CD109: variants seen among roughly 807,000 people sequenced by gnomAD.
CD109 encodes the protein CD109 antigen.
A neutral mutation model predicts 165.8 loss-of-function variants in CD109; 149 were observed. The observed-to-expected ratio is 0.90, with a 90% CI of 0.79 to 1.03. The LOEUF (loss-of-function observed/expected upper bound fraction) is 1.03, where lower values mean the gene tolerates loss of function less well. CD109 is among the 50% of genes least tolerant of loss of function. The pLI is 0.00. For missense variants in CD109, 1,712 were observed against 1,677.8 expected (o/e 1.02, Z -0.36); for synonymous variants, 585 against 592.1 (o/e 0.99, Z 0.18).
Position 73,827,754 on chromosome 6 carries a change from A to G in CD109, c.*4121A>G, listed in dbSNP as rs184534193. 7.9e-5 allele frequency: 12 copies of G among 152,332 alleles called. No homozygotes were observed. Among genetic ancestry groups the G allele is most frequent in the African/African-American group, 2.9e-4 (12 of 41,580 alleles). 9.4% of individuals were successfully genotyped at this position (152,332 alleles called of 1,614,324 possible). A position where few individuals can be genotyped will look rare whatever the true frequency, so the allele number is the denominator to read the frequency against. On this transcript the variant is annotated 3_prime_UTR_variant, in exon 33 of 33. Transcript: ENST00000287097. Reference sequence around the variant, plus strand: ...TTCATTTCAGTTGTAACATAGGAAAATAGATATTTCCTAGATGATTTCTGA... The same window carrying G: ...TTCATTTCAGTTGTAACATAGGAAAGTAGATATTTCCTAGATGATTTCTGA...
chr6:73,707,126 G>T (rs1771303157), intron 2 of CD109, among the ~76,000 whole-genome samples: 1 of 152,200 alleles, frequency 6.6e-6, no homozygotes, highest in South Asian at 2.1e-4. Context: ...TTGTTCGGGT[G>T]CCGTGTTGAC....
rs1362599340 is a variant in CD109, at chr6:73,826,623, T to C, written c.*2990T>C. 6.6e-6 allele frequency: 1 copy of C among 152,232 alleles called. No individual in the cohort carries two copies. The highest frequency in any genetic ancestry group is 1.5e-5 in the Non-Finnish European group (1 of 68,044). 9.4% of individuals were successfully genotyped at this position (152,232 alleles called of 1,614,324 possible). ...TGAAATGCTTCCTTTTATTGTGTTG[T>C]GCTATTGTACTTTGTTTTTCAAAAC... On this transcript the variant is annotated 3_prime_UTR_variant, in exon 33 of 33. Transcript: ENST00000287097.
rs1774588364 is a variant in CD109 at position 73,783,746 on chromosome 6, T to C, written c.2145T>C (p.Asp715=). 1.2e-6 allele frequency: 2 copies of C among 1,613,138 alleles called. No homozygotes were observed. Among genetic ancestry groups the C allele is most frequent in the Non-Finnish European group, 1.7e-6 (2 of 1,179,274 alleles). Reference sequence around the variant, plus strand: ...AAGAATTTGAAGTAACTGTACCTGATTCTATCACTTCTTGGGTGGCTACTG... The same window carrying C: ...AAGAATTTGAAGTAACTGTACCTGACTCTATCACTTCTTGGGTGGCTACTG... ...IYQEFEVTVP[D]SITSWVATGF... is the part of the protein sequence containing the mutation. Residue 715 remains aspartate, a synonymous_variant, in exon 19 of 33, where the codon GAT becomes GAC. Transcript: ENST00000287097.
At chr6:73,758,098 C>T (rs1217034807) in intron 6 of CD109, among the ~76,000 whole-genome samples, 2 of 151,894 alleles carry the variant, frequency 1.3e-5, no homozygotes, top group African/African-American at 2.4e-5. Flanking sequence ...TTTGGTCTCC[C>T]TGTCCTAGAC....
intron 3 of CD109, 120 bp from the exon 4 acceptor site, chr6:73,730,224 T>C (rs1167325206): frequency 1.5e-6 from 1 of 668,288 alleles, no homozygotes; most frequent in Non-Finnish European, 2.6e-6. Flanking sequence ...GGGCAAATTT[T>C]CAACATCGCA....
At chr6:73,763,428 G>A in intron 9 of CD109, 148 bp from the exon 10 acceptor site, 1 of 518,174 alleles carries the variant, frequency 1.9e-6, no homozygotes, top group Non-Finnish European at 3.4e-6. Context: ...TGTGGTGCTT[G>A]TAGTGTCAAA....
intron 6 of CD109, among the ~76,000 whole-genome samples, chr6:73,758,721 T>A (rs1773497167): frequency 6.6e-6 from 1 of 152,190 alleles, no homozygotes; most frequent in African/African-American, 2.4e-5. Flanking sequence ...AATTAGGGAT[T>A]TCTAGTTTTG....
chr6:73,791,202 T>TATATACACATAC (rs1554182588), intron 22 of CD109, among the ~76,000 whole-genome samples: 3 of 123,574 alleles, frequency 2.4e-5, no homozygotes, highest in East Asian at 4.7e-4. Flanking sequence ...CATATATATA[T>TATATACACATAC]ATATATATAT....
At chr6:73,710,353 G>C (rs921496215) in intron 2 of CD109, among the ~76,000 whole-genome samples, 2 of 152,118 alleles carry the variant, frequency 1.3e-5, no homozygotes, top group Non-Finnish European at 2.9e-5. Context: ...TTGCTTCAAA[G>C]AGAATAAAAT....
At chr6:73,754,389 A>T (rs1282450783) in intron 5 of CD109, among the ~76,000 whole-genome samples, 3 of 152,224 alleles carry the variant, frequency 2.0e-5, no homozygotes, top group African/African-American at 7.2e-5. Flanking sequence ...GAATACCAAG[A>T]GAACAAAAGA....
At chr6:73,767,934 G>T in intron 13 of CD109, 121 bp from the exon 14 acceptor site, 1 of 809,886 alleles carries the variant, frequency 1.2e-6, no homozygotes, top group Non-Finnish European at 2.0e-6. Flanking sequence ...CATTCCAAAA[G>T]ACTTTGAAGC....
chr6:73,787,432 A>T lies in CD109; in HGVS notation c.2536A>T (p.Thr846Ser). The T allele has an allele frequency of 6.2e-7, 1 of 1,611,386 alleles. No homozygotes were observed. The highest frequency in any genetic ancestry group is 8.5e-7 in the Non-Finnish European group (1 of 1,178,060). The change falls in exon 21 of 33, where the codon ACC becomes TCC. Residue 846 changes from threonine to serine, a missense_variant. Thr to Ser is a moderately conservative substitution (Grantham distance 58). Coordinates refer to ENST00000287097, the MANE Select transcript of CD109 (RefSeq NM_133493.5). ...TTCACCCACTGCTTCTGATGCTGTC[A>T]CCCAGATGATTTTAGTAAAGGTAAA... Reference protein sequence around the residue: ...ALSPTASDAVTQMILVKAEGI... With the variant: ...ALSPTASDAVSQMILVKAEGI...
chr6:73,727,371 G>A (rs1772180141), intron 3 of CD109, among the ~76,000 whole-genome samples: 1 of 151,930 alleles, frequency 6.6e-6, no homozygotes, highest in Admixed American at 6.6e-5. Context: ...GTCATCTCTG[G>A]GTGGCTTGCC....
At chr6:73,755,747 C>T (rs140629941) in intron 5 of CD109, among the ~76,000 whole-genome samples, 61 of 151,624 alleles carry the variant, frequency 4.0e-4, no homozygotes, top group African/African-American at 1.4e-3. Flanking sequence ...ATTGCTTGAG[C>T]TCAGGAGTTT....
intron 23 of CD109, among the ~76,000 whole-genome samples, chr6:73,798,620 G>A (rs759027168): frequency 1.3e-5 from 2 of 152,078 alleles, no homozygotes; most frequent in African/African-American, 4.8e-5. Flanking sequence ...TTGGATTCTC[G>A]GTGTTATCTA....
At chr6:73,823,378 C>A in intron 32 of CD109, 80 bp from the exon 33 acceptor site, 1 of 1,053,928 alleles carries the variant, frequency 9.5e-7, no homozygotes, top group Non-Finnish European at 1.4e-6. Context: ...AAAAGTGTAT[C>A]GAAATGCTCT....
chr6:73,724,107 A>G (rs1289870953), intron 3 of CD109, among the ~76,000 whole-genome samples: 1 of 152,154 alleles, frequency 6.6e-6, no homozygotes, highest in Non-Finnish European at 1.5e-5. Flanking sequence ...AATTTTTTGC[A>G]TTAATTTTGA....
rs528075397 is a variant in CD109, at chr6:73,728,905, GTCTT to G, written c.277-1437_277-1434del. Reference sequence around the variant, plus strand: ...AATTAAACTTTTATTACTTCTCACAGTCTTTGTGGGTGAAGAATTGGGAACAATA... The same window carrying G: ...AATTAAACTTTTATTACTTCTCACAGTGTGGGTGAAGAATTGGGAACAATA... On this transcript the variant is annotated intron_variant, in intron 3 of 32. Coordinates refer to ENST00000287097, the MANE Select transcript of CD109 (RefSeq NM_133493.5). Among the ~76,000 whole-genome samples, 16 of 152,308 alleles carry G rather than the reference GTCTT, an allele frequency of 1.1e-4. No individual in the cohort carries two copies. In the East Asian group the frequency reaches 2.7e-3, roughly 26 times the overall value.
chr6:73,784,824 A>G (rs1000433178), intron 19 of CD109, among the ~76,000 whole-genome samples: 18 of 152,298 alleles, frequency 1.2e-4, no homozygotes, highest in African/African-American at 4.1e-4. Context: ...ATAATTTCCA[A>G]TTTCCTCTTT....
Sources: allele counts gnomAD v4.1 joint callset (sites outside exome capture counted in the v4.1 genomes callset), GRCh38; gene constraint gnomAD v4.1.1; transcripts MANE v1.5; gene names NCBI Gene and HGNC (gene_info 2026-07-23, HGNC 2026-07-21).